Variants in UXS1 observed in about 807,000 individuals in gnomAD.
The protein encoded by UXS1 is UDP-glucuronate decarboxylase 1.
UXS1 carries 33 observed loss-of-function variants against 62.6 expected under a neutral mutation model. That is an observed-to-expected ratio of 0.53 (90% confidence interval 0.40 to 0.70). The LOEUF (loss-of-function observed/expected upper bound fraction) is 0.70, where lower values mean the gene tolerates loss of function less well. UXS1 is among the 30% of genes least tolerant of loss of function. The probability of loss-of-function intolerance (pLI) is 0.00; values close to 1 mark genes in which losing one functional copy is unlikely to be tolerated. For synonymous variants in UXS1, 213 were observed against 206.8 expected, an observed-to-expected ratio of 1.03 and a Z score of -0.26; for missense variants, 434 against 556.3, an observed-to-expected ratio of 0.78 and a Z score of 2.21.
chr2:106,096,962 C>A, intron 13 of UXS1, 141 bp from the exon 14 acceptor site: 2 of 835,394 alleles, frequency 2.4e-6, no homozygotes, highest in Non-Finnish European at 3.9e-6. Context: ...CTGAGAAGCC[C>A]CGGAGCTCCC....
chr2:106,164,873 C>A (rs539634469), intron 2 of UXS1, 74 bp from the exon 3 acceptor site: 135 of 1,124,828 alleles, frequency 1.2e-4, no homozygotes, highest in Non-Finnish European at 1.2e-4. Flanking sequence ...TAACATAACC[C>A]AACGGATGCA....
intron 1 of UXS1, among the ~76,000 whole-genome samples, chr2:106,184,730 C>CT (rs1684456914): frequency 6.6e-6 from 1 of 152,176 alleles, no homozygotes; most frequent in Admixed American, 6.5e-5. Flanking sequence ...AATGCCATCA[C>CT]TTCAAGGATT....
At chr2:106,097,321 GC>G (rs1367201922) in intron 13 of UXS1, 8 of 417,940 alleles carry the variant, frequency 1.9e-5, no homozygotes, top group African/African-American at 1.6e-4. Context: ...TCGGAGGACG[GC>G]AAAGGCTGGC....
At chr2:106,165,385 C>G (rs949733485) in intron 2 of UXS1, among the ~76,000 whole-genome samples, 1 of 152,168 alleles carries the variant, frequency 6.6e-6, no homozygotes, top group Non-Finnish European at 1.5e-5. Context: ...CATTACAATA[C>G]CAACCTAATC....
chr2:106,138,688 C>G (rs1361841719), intron 6 of UXS1: 1 of 985,378 alleles, frequency 1.0e-6, no homozygotes, highest in Non-Finnish European at 1.2e-6. Flanking sequence ...ACAGGTCAGT[C>G]CCACTGCTGC....
intron 4 of UXS1, 35 bp downstream of exon 4, chr2:106,163,632 T>A (rs1380360313): frequency 1.4e-6 from 2 of 1,404,982 alleles, no homozygotes; most frequent in African/African-American, 1.5e-5. Flanking sequence ...CAAACTTATT[T>A]TAACTATTGA....
rs117380023 is a variant in UXS1 at position 106,181,411 on chromosome 2, T to A, written c.94+12737A>T. 3.5e-4 allele frequency among the ~76,000 whole-genome samples: 54 copies of A among 152,320 alleles called. No homozygotes were observed. In the East Asian group the frequency reaches 0.01, roughly 29 times the overall value. ...ACCGTTAATGAATCTATTTTTAGAA[T>A]GCCTAAGGCAAAGAAAGCTGGGGCA... On this transcript the variant is annotated intron_variant, in intron 1 of 14. Transcript: ENST00000283148.
At chr2:106,190,561 C>T (rs1684856511) in intron 1 of UXS1, among the ~76,000 whole-genome samples, 1 of 152,046 alleles carries the variant, frequency 6.6e-6, no homozygotes, top group Non-Finnish European at 1.5e-5. Context: ...GCCTGACCAA[C>T]ATGGAGAAAC....
chr2:106,125,723 T>A, intron 7 of UXS1, 44 bp from the exon 8 acceptor site: 1 of 1,497,488 alleles, frequency 6.7e-7, no homozygotes. Flanking sequence ...AATTTACATG[T>A]GCAGGCACAT....
rs1676855562 is a variant in UXS1 at position 106,093,832 on chromosome 2, G to A, written c.*194C>T. The A allele has an allele frequency of 6.0e-6, 4 of 665,956 alleles. No homozygotes were observed. Among genetic ancestry groups the A allele is most frequent in the Admixed American group, 7.9e-5 (2 of 25,196 alleles). 41.3% of individuals were successfully genotyped at this position (665,956 alleles called of 1,614,324 possible). ...ACATAAAAAGAGAGATTCAAAAAGTGCAAGGCAAAATCTGCAGTTTTTTGA... is the reference window on the plus strand; with the variant it reads ...ACATAAAAAGAGAGATTCAAAAAGTACAAGGCAAAATCTGCAGTTTTTTGA... On this transcript the variant is annotated 3_prime_UTR_variant, in exon 15 of 15. Transcript: ENST00000283148.
At chr2:106,165,798 T>A (rs1257846382) in intron 2 of UXS1, among the ~76,000 whole-genome samples, 1 of 118,856 alleles carries the variant, frequency 8.4e-6, no homozygotes, top group Non-Finnish European at 1.9e-5. Context: ...AACCCTTTAT[T>A]ATCTACACAA....
chr2:106,166,235 A>T, intron 1 of UXS1, 152 bp from the exon 2 acceptor site: 2 of 732,692 alleles, frequency 2.7e-6, no homozygotes, highest in Non-Finnish European at 4.4e-6. Flanking sequence ...TTTTCAAAAC[A>T]ATTAAATCTT....
At chr2:106,156,662 C>A (rs568465530) in intron 5 of UXS1, among the ~76,000 whole-genome samples, 1 of 152,126 alleles carries the variant, frequency 6.6e-6, no homozygotes, top group Non-Finnish European at 1.5e-5. Flanking sequence ...CGCCTGTATA[C>A]TTTAAATCAT....
intron 6 of UXS1, chr2:106,138,445 C>T (rs1168573265): frequency 3.0e-6 from 3 of 985,470 alleles, no homozygotes; most frequent in Non-Finnish European, 3.6e-6. Flanking sequence ...GAGGCCCCCT[C>T]GGTCACCCAC....
At chr2:106,110,426 C>T (rs1678493929) in intron 10 of UXS1, among the ~76,000 whole-genome samples, 1 of 152,170 alleles carries the variant, frequency 6.6e-6, no homozygotes, top group South Asian at 2.1e-4. Flanking sequence ...TTCTTGGAGG[C>T]TTTCATGGTT....
rs1361016564 is a variant in UXS1 at position 106,194,299 on chromosome 2, T to G, written c.-58A>C. Reference sequence around the variant, plus strand: ...GCGCGGGGGCCCGCCTGCTGCACAATGCGCGGCGGCGGCGGCGGCAGCGGC... The same window carrying G: ...GCGCGGGGGCCCGCCTGCTGCACAAGGCGCGGCGGCGGCGGCGGCAGCGGC... On this transcript the variant is annotated 5_prime_UTR_variant, in exon 1 of 15. Transcript: ENST00000283148. 1.3e-5 allele frequency: 13 copies of G among 964,160 alleles called. No individual in the cohort carries two copies. The highest frequency in any genetic ancestry group is 1.5e-5 in the Non-Finnish European group (12 of 777,008). The allele number at this position is 964,160 out of a possible 1,614,324, so 59.7% of individuals were successfully genotyped here.
intron 9 of UXS1, among the ~76,000 whole-genome samples, chr2:106,122,243 C>T (rs1346850100): frequency 6.6e-6 from 1 of 152,158 alleles, no homozygotes; most frequent in African/African-American, 2.4e-5. Flanking sequence ...AAATTCAGAC[C>T]CAAGCCCAAG....
intron 1 of UXS1, among the ~76,000 whole-genome samples, chr2:106,181,238 T>G (rs1393131097): frequency 6.6e-6 from 1 of 152,118 alleles, no homozygotes; most frequent in East Asian, 1.9e-4. Flanking sequence ...CCCTGTACTC[T>G]TCTTCCCCGC....
chr2:106,127,515 C>G (rs972445741), intron 7 of UXS1, among the ~76,000 whole-genome samples: 5 of 152,188 alleles, frequency 3.3e-5, no homozygotes, highest in Non-Finnish European at 5.9e-5. Flanking sequence ...GCAGGATCTA[C>G]AGAGACAACT....
Sources: gnomAD v4.1 joint callset for allele counts (sites outside exome capture counted in the v4.1 genomes callset) on GRCh38, gnomAD v4.1.1 for gene constraint, MANE v1.5 for transcripts, NCBI Gene and HGNC (gene_info 2026-07-23, HGNC 2026-07-21) for gene names.